The following GABRB1 variants were observed in gnomAD, a reference collection of about 807,000 sequenced individuals.
GABRB1 encodes the protein gamma-aminobutyric acid type A receptor subunit beta1, also known as gamma-aminobutyric acid receptor subunit beta-1.
GABRB1 carries 17 observed loss-of-function variants against 51.6 expected under a neutral mutation model. The ratio of observed to expected loss-of-function variants is 0.33; its 90% CI spans 0.23 to 0.49. GABRB1 has a LOEUF of 0.49. GABRB1 is among the 20% of genes least tolerant of loss of function. The pLI is 0.99. For synonymous variants in GABRB1, 247 were observed against 218.9 expected (o/e 1.13, Z -1.14); for missense variants, 410 against 600.6 (o/e 0.68, Z 3.32).
intron 3 of GABRB1, among the ~76,000 whole-genome samples, chr4:47,125,676 C>T (rs1716099125): frequency 6.9e-6 from 1 of 144,212 alleles, no homozygotes; most frequent in Non-Finnish European, 1.5e-5. Flanking sequence ...CTGCCTCAGC[C>T]TCCCAAGTAG....
intron 3 of GABRB1, among the ~76,000 whole-genome samples, chr4:47,149,847 C>A (rs1360176842): frequency 6.6e-6 from 1 of 151,778 alleles, no homozygotes; most frequent in Admixed American, 6.6e-5. Flanking sequence ...AGCCAAAAAT[C>A]CTTTTCTCAA....
At chr4:47,194,138 C>T (rs1719551971) in intron 4 of GABRB1, among the ~76,000 whole-genome samples, 1 of 152,076 alleles carries the variant, frequency 6.6e-6, no homozygotes, top group Non-Finnish European at 1.5e-5. Context: ...CTTTTATTTC[C>T]TGCAAAACTC....
chr4:47,306,152 C>T (rs75839483), intron 4 of GABRB1, among the ~76,000 whole-genome samples: 3,041 of 149,220 alleles, frequency 0.02, 102 homozygotes, highest in African/African-American at 0.072. Flanking sequence ...AAAGAAAGAA[C>T]AATGGAAAGA....
intron 3 of GABRB1, among the ~76,000 whole-genome samples, chr4:47,123,813 A>T (rs1311223483): frequency 1.1e-5 from 1 of 94,316 alleles, no homozygotes; most frequent in African/African-American, 4.4e-5. Context: ...ATCATATATT[A>T]TATATTATAT....
chr4:47,339,993 T>C (rs986713727), intron 5 of GABRB1, among the ~76,000 whole-genome samples: 2 of 152,180 alleles, frequency 1.3e-5, no homozygotes, highest in African/African-American at 4.8e-5. Context: ...ACTTTGTGCA[T>C]ATAAATGCAT....
At chr4:47,211,444 T>C (rs936906322) in intron 4 of GABRB1, among the ~76,000 whole-genome samples, 3 of 152,176 alleles carry the variant, frequency 2.0e-5, no homozygotes, top group African/African-American at 7.2e-5. Flanking sequence ...CAGAAACTCA[T>C]AGATGTTTCT....
chr4:47,324,756 C>G (rs1354703537), intron 5 of GABRB1, among the ~76,000 whole-genome samples: 2 of 152,216 alleles, frequency 1.3e-5, no homozygotes, highest in African/African-American at 4.8e-5. Flanking sequence ...TTTGATGTTT[C>G]AAAGGCATCT....
intron 3 of GABRB1, among the ~76,000 whole-genome samples, chr4:47,086,131 A>G (rs1228568701): frequency 6.6e-6 from 1 of 152,236 alleles, no homozygotes; most frequent in East Asian, 1.9e-4. Context: ...TTTAAATACC[A>G]TGTTAAAAGA....
chr4:47,303,918 T>A (rs1008752352), intron 4 of GABRB1, among the ~76,000 whole-genome samples: 4 of 152,048 alleles, frequency 2.6e-5, no homozygotes, highest in African/African-American at 9.7e-5. Context: ...GTGGCATTTG[T>A]CGTTCTGTGC....
chr4:47,132,784 GT>G (rs1232331069), intron 3 of GABRB1, among the ~76,000 whole-genome samples: 1 of 152,166 alleles, frequency 6.6e-6, no homozygotes, highest in Non-Finnish European at 1.5e-5. Flanking sequence ...GTAAAACAGT[GT>G]GCCTGCCAGA....
upstream of GABRB1, among the ~76,000 whole-genome samples, chr4:47,029,809 C>T (rs1725229028): frequency 6.6e-6 from 1 of 151,970 alleles, no homozygotes; most frequent in Non-Finnish European, 1.5e-5. Flanking sequence ...TTTCCTACTT[C>T]TCTTAAAATA....
intron 3 of GABRB1, among the ~76,000 whole-genome samples, chr4:47,142,556 C>T (rs1176751535): frequency 6.6e-6 from 1 of 151,824 alleles, no homozygotes; most frequent in Non-Finnish European, 1.5e-5. Flanking sequence ...TGTTTTATAA[C>T]ATGATTACTC....
chr4:47,404,386 T>C (rs867407120), intron 7 of GABRB1, among the ~76,000 whole-genome samples: 57 of 152,176 alleles, frequency 3.7e-4, no homozygotes, highest in African/African-American at 1.3e-3. Flanking sequence ...TTAGAATGTG[T>C]AAGGTCTGTC....
intron 5 of GABRB1, among the ~76,000 whole-genome samples, chr4:47,389,292 T>C (rs1727903198): frequency 6.6e-6 from 1 of 152,176 alleles, no homozygotes; most frequent in Non-Finnish European, 1.5e-5. Context: ...AAAACTGTCT[T>C]CCCTTTTATG....
intron 3 of GABRB1, among the ~76,000 whole-genome samples, chr4:47,038,515 CTTG>C (rs1023924821): frequency 2.0e-5 from 3 of 152,146 alleles, no homozygotes; most frequent in African/African-American, 7.2e-5. Context: ...TTTTTTAACA[CTTG>C]TTGTGAAACA....
intron 4 of GABRB1, among the ~76,000 whole-genome samples, chr4:47,214,755 A>G (rs1578007101): frequency 6.6e-6 from 1 of 152,086 alleles, no homozygotes; most frequent in Non-Finnish European, 1.5e-5. Flanking sequence ...CCCATCTCCC[A>G]CTTTTGTTTC....
chr4:47,048,243 C>T (rs543182058), intron 3 of GABRB1, among the ~76,000 whole-genome samples: 1 of 152,076 alleles, frequency 6.6e-6, no homozygotes, highest in Non-Finnish European at 1.5e-5. Context: ...TGACAAGGCC[C>T]TGGGCTAGGC....
At chr4:47,374,796 T>C (rs1172439160) in intron 5 of GABRB1, among the ~76,000 whole-genome samples, 1 of 152,192 alleles carries the variant, frequency 6.6e-6, no homozygotes, top group African/African-American at 2.4e-5. Context: ...TCTGTACACA[T>C]TTAATGTGTT....
At chr4:47,165,780 C>A (rs890087471) in intron 4 of GABRB1, among the ~76,000 whole-genome samples, 8 of 152,044 alleles carry the variant, frequency 5.3e-5, no homozygotes, top group Non-Finnish European at 1.2e-4. Context: ...GGATTGCCTG[C>A]CAGCTCCTCC....
Sources: gnomAD v4.1 joint callset for allele counts (sites outside exome capture counted in the v4.1 genomes callset) on GRCh38, gnomAD v4.1.1 for gene constraint, MANE v1.5 for transcripts, NCBI Gene and HGNC (gene_info 2026-07-23, HGNC 2026-07-21) for gene names.